The following DSCAM variants were observed in gnomAD, a reference collection of about 807,000 sequenced individuals.
DSCAM encodes the protein cell adhesion molecule DSCAM.
DSCAM carries 47 observed loss-of-function variants against 217.7 expected under a neutral mutation model. The ratio of observed to expected loss-of-function variants is 0.22; its 90% CI spans 0.17 to 0.28. The LOEUF (loss-of-function observed/expected upper bound fraction) is 0.28. DSCAM is among the 10% of genes least tolerant of loss of function. The pLI is 1.00. For missense variants in DSCAM, 2,080 were observed against 2,618.3 expected (o/e 0.79, Z 4.49); for synonymous variants, 1,056 against 1,015.3 (o/e 1.04, Z -0.76).
rs150853916 is a variant in DSCAM, at chr21:40,032,651, G to A, written c.5686+9720C>T. Among the ~76,000 whole-genome samples the A allele has an allele frequency of 5.5e-4, 83 of 151,988 alleles. 1 individual carries two copies. The East Asian group carries it at 0.015, about 28-fold the overall frequency. On this transcript the variant is annotated intron_variant, in intron 32 of 32. Transcript: ENST00000400454. ...TTAAACTCAAAAAGTGTTAGATCTCGTCTGTCTCTGGTATGGGTGGACTCT... is the reference window on the plus strand; with the variant it reads ...TTAAACTCAAAAAGTGTTAGATCTCATCTGTCTCTGGTATGGGTGGACTCT...
chr21:40,144,478 CG>C lies in DSCAM; in HGVS notation c.3259+12del. The stretch of plus-strand genomic sequence containing the variant: ...GGAGGGAAAAGCCACGACCAGGCCC[CG>C]GCCGAACCTACCATCCTCGAGAGTG... On this transcript the variant is annotated intron_variant, in intron 17 of 32. Coordinates refer to ENST00000400454, the MANE Select transcript of DSCAM (RefSeq NM_001389.5). The surrounding 1 kb of genome is among the most constrained non-coding windows in gnomAD (Gnocchi z 4.8). 6.2e-7 allele frequency: 1 copy of C among 1,613,142 alleles called. No homozygotes were observed. Among genetic ancestry groups the C allele is most frequent in the Non-Finnish European group, 8.5e-7 (1 of 1,179,228 alleles).
intron 3 of DSCAM, among the ~76,000 whole-genome samples, chr21:40,537,029 G>C (rs11911982): frequency 6.6e-6 from 1 of 152,068 alleles, no homozygotes; most frequent in African/African-American, 2.4e-5. Context: ...AAAAGGCAGA[G>C]GATTTTCTAC....
At chr21:40,244,881 T>C (rs1205513328) in intron 11 of DSCAM, among the ~76,000 whole-genome samples, 1 of 152,184 alleles carries the variant, frequency 6.6e-6, no homozygotes, top group Non-Finnish European at 1.5e-5. Flanking sequence ...GCAGAAGTAC[T>C]TGAAAATCTG....
At chr21:40,337,503 G>A (rs1391138662) in intron 8 of DSCAM, among the ~76,000 whole-genome samples, 2 of 152,048 alleles carry the variant, frequency 1.3e-5, no homozygotes, top group Non-Finnish European at 2.9e-5. Context: ...GTTTTTTTCT[G>A]GTAAGGAGAT....
At chr21:40,153,435 C>T (rs1317547945) in intron 16 of DSCAM, among the ~76,000 whole-genome samples, 1 of 152,120 alleles carries the variant, frequency 6.6e-6, no homozygotes. Flanking sequence ...ATGCTGTCGC[C>T]AAAGCAATTG....
chr21:40,702,381 A>G (rs2090665982), intron 2 of DSCAM, among the ~76,000 whole-genome samples: 2 of 152,228 alleles, frequency 1.3e-5, no homozygotes, highest in African/African-American at 2.4e-5. Context: ...TGCTCTGAGC[A>G]AACAGTGTAT....
intron 1 of DSCAM, among the ~76,000 whole-genome samples, chr21:40,829,226 A>G (rs1005636551): frequency 6.6e-6 from 1 of 152,236 alleles, no homozygotes; most frequent in African/African-American, 2.4e-5. Context: ...GAATAGTCCA[A>G]GTATTCACTT....
chr21:40,288,640 G>C (rs894651960), intron 10 of DSCAM, among the ~76,000 whole-genome samples: 1 of 152,172 alleles, frequency 6.6e-6, no homozygotes, highest in African/African-American at 2.4e-5. Flanking sequence ...AGACAATAAG[G>C]TATCGCAAAT....
At chr21:40,600,887 T>C (rs1057336977) in intron 3 of DSCAM, among the ~76,000 whole-genome samples, 25 of 152,318 alleles carry the variant, frequency 1.6e-4, no homozygotes, top group Non-Finnish European at 1.5e-4. Flanking sequence ...CCTCATTCTG[T>C]TCCATTGACC....
At chr21:40,263,394 A>C (rs1157369100) in intron 11 of DSCAM, among the ~76,000 whole-genome samples, 1 of 152,226 alleles carries the variant, frequency 6.6e-6, no homozygotes, top group Non-Finnish European at 1.5e-5. Context: ...ACCAGAAATC[A>C]ATTCCAAAAG....
intron 3 of DSCAM, among the ~76,000 whole-genome samples, chr21:40,651,685 G>C (rs1456204400): frequency 6.6e-6 from 1 of 152,198 alleles, no homozygotes; most frequent in Admixed American, 6.5e-5. Context: ...AGGCTGCAGA[G>C]TCTTATATCT....
chr21:40,317,762 A>G (rs549976599), intron 8 of DSCAM, among the ~76,000 whole-genome samples: 7 of 152,174 alleles, frequency 4.6e-5, no homozygotes, highest in African/African-American at 1.7e-4. Context: ...CGAACTCCTG[A>G]CCTCATGTGA....
Position 40,817,176 on chromosome 21 carries a change from G to A in DSCAM, c.43+29443C>T, listed in dbSNP as rs915560886. On this transcript the variant is annotated intron_variant, in intron 1 of 32. Transcript: ENST00000400454. ...AATTAGGATTCTCTAAGCCCCATTT[G>A]TCTTAACAATTTGACAGCTCCGGCT... is the stretch of plus-strand genomic sequence containing the variant. Among the ~76,000 whole-genome samples, 105 of 150,834 alleles carry A rather than the reference G, an allele frequency of 7.0e-4. 1 individual carries two copies. Among genetic ancestry groups the A allele is most frequent in the African/African-American group, 2.3e-3 (96 of 41,016 alleles).
At chr21:40,569,732 C>T (rs2076791881) in intron 3 of DSCAM, among the ~76,000 whole-genome samples, 1 of 152,168 alleles carries the variant, frequency 6.6e-6, no homozygotes, top group Non-Finnish European at 1.5e-5. Flanking sequence ...TGTATCAGAC[C>T]TTTCAGGAGC....
At chr21:40,772,679 A>G (rs562415133) in intron 1 of DSCAM, among the ~76,000 whole-genome samples, 40 of 152,276 alleles carry the variant, frequency 2.6e-4, no homozygotes, top group Non-Finnish European at 4.4e-4. Flanking sequence ...TCTGTATCAT[A>G]CAACCTCCCC....
chr21:40,274,203 C>T (rs1295145861), intron 11 of DSCAM, among the ~76,000 whole-genome samples: 2 of 152,152 alleles, frequency 1.3e-5, no homozygotes, highest in South Asian at 2.1e-4. Context: ...CACTGAGTAC[C>T]GAGATCTGGA....
chr21:40,511,601 T>C (rs928364850), intron 3 of DSCAM, among the ~76,000 whole-genome samples: 6 of 152,204 alleles, frequency 3.9e-5, no homozygotes, highest in Admixed American at 1.3e-4. Context: ...ACAAATTTTA[T>C]AATTCTTTAT....
chr21:40,480,007 T>C (rs2075968912), intron 3 of DSCAM, among the ~76,000 whole-genome samples: 1 of 152,192 alleles, frequency 6.6e-6, no homozygotes, highest in East Asian at 1.9e-4. Context: ...GTCATTTATT[T>C]AATTAAACAA....
intron 1 of DSCAM, among the ~76,000 whole-genome samples, chr21:40,750,837 T>C (rs2091220263): frequency 6.6e-6 from 1 of 152,096 alleles, no homozygotes; most frequent in African/African-American, 2.4e-5. Flanking sequence ...AATCCTACAC[T>C]CAGCCTTTGT....
Sources: allele counts gnomAD v4.1 joint callset (sites outside exome capture counted in the v4.1 genomes callset), GRCh38; gene constraint gnomAD v4.1.1; non-coding constraint Gnocchi (gnomAD v3.1); transcripts MANE v1.5; gene names NCBI Gene and HGNC (gene_info 2026-07-23, HGNC 2026-07-21).